Variants in RFX7 observed in about 807,000 individuals in gnomAD.
RFX7 encodes the protein regulatory factor X7.
RFX7 carries 26 observed loss-of-function variants against 111.8 expected under a neutral mutation model. The ratio of observed to expected loss-of-function variants is 0.23; its 90% CI spans 0.17 to 0.32. The LOEUF (loss-of-function observed/expected upper bound fraction) is 0.32, where lower values mean the gene tolerates loss of function less well. RFX7 is among the 10% of genes least tolerant of loss of function. The probability of loss-of-function intolerance (pLI) is 1.00; values close to 1 mark genes in which losing one functional copy is unlikely to be tolerated. For synonymous variants in RFX7, 624 were observed against 624.4 expected, an observed-to-expected ratio of 1.00 and a Z score of 0.01; for missense variants, 1,573 against 1,772.9, an observed-to-expected ratio of 0.89 and a Z score of 2.02.
chr15:56,143,069 G>T (rs1422839754), intron 4 of RFX7, among the ~76,000 whole-genome samples, 169 bp from the exon 5 acceptor site: 1 of 152,086 alleles, frequency 6.6e-6, no homozygotes, highest in African/African-American at 2.4e-5. Context: ...TGAGCTGTTT[G>T]CTATAGCTAG....
intron 5 of RFX7, among the ~76,000 whole-genome samples, chr15:56,109,901 T>C (rs2041889898): frequency 6.6e-6 from 1 of 150,580 alleles, no homozygotes; most frequent in Non-Finnish European, 1.5e-5. Flanking sequence ...AGCCACCCCG[T>C]CCGGGAGGGA....
chr15:56,107,268 GC>G (rs1305482379), intron 5 of RFX7, among the ~76,000 whole-genome samples: 2 of 118,802 alleles, frequency 1.7e-5, no homozygotes, highest in Non-Finnish European at 3.2e-5. Flanking sequence ...CTGCACTCCA[GC>G]CTGGGCAGTA....
chr15:56,101,038 GTACATATAAAA>G (rs2041745059), intron 8 of RFX7, among the ~76,000 whole-genome samples: 1 of 151,756 alleles, frequency 6.6e-6, no homozygotes, highest in Admixed American at 6.6e-5. Context: ...ATACATATAT[GTACATATAAAA>G]GTACATATAA....
At chr15:56,108,413 T>C (rs527527336) in intron 5 of RFX7, among the ~76,000 whole-genome samples, 9 of 152,294 alleles carry the variant, frequency 5.9e-5, no homozygotes, top group African/African-American at 2.2e-4. Context: ...AATCAATAAA[T>C]GTCATCCATC....
rs779100721 is a variant in RFX7 at position 56,142,841 on chromosome 15, C to T, written c.338G>A (p.Arg113Gln). The T allele has an allele frequency of 6.2e-6, 10 of 1,613,332 alleles. No homozygotes were observed. The highest frequency in any genetic ancestry group is 2.7e-5 in the African/African-American group (2 of 74,894). ...AQQMHAFSWIRNTLEEHPETS... is the reference protein window; with the variant it reads ...AQQMHAFSWIQNTLEEHPETS... ...CTCCGGATGTTCCTCTAGGGTATTCCGAATCCAGGAAAAGGCATGCATTTG... is the reference window on the plus strand; with the variant it reads ...CTCCGGATGTTCCTCTAGGGTATTCTGAATCCAGGAAAAGGCATGCATTTG... Residue 113 changes from arginine to glutamine, a missense_variant, in exon 5 of 10, where the codon CGG becomes CAG. Coordinates refer to ENST00000559447, the MANE Select transcript of RFX7 (RefSeq NM_022841.7).
chr15:56,092,158 CAATA>C lies in RFX7; in HGVS notation c.*1183_*1186del, dbSNP rs2140506859. Reference sequence around the variant, plus strand: ...TCTTCTTTTGCAATTGTGGTTATCACAATAAATAAATTAAGCAAGTAATAAAATG... The same window carrying C: ...TCTTCTTTTGCAATTGTGGTTATCACAATAAATTAAGCAAGTAATAAAATG... On this transcript the variant is annotated 3_prime_UTR_variant, in exon 10 of 10. Coordinates refer to ENST00000559447, the MANE Select transcript of RFX7 (RefSeq NM_022841.7). 1 of 152,606 alleles carries C rather than the reference CAATA, an allele frequency of 6.6e-6. No individual in the cohort carries two copies. Among genetic ancestry groups the C allele is most frequent in the South Asian group, 2.1e-4 (1 of 4,822 alleles). 9.5% of individuals were successfully genotyped at this position (152,606 alleles called of 1,614,324 possible).
In RFX7 at chr15:56,174,429, T is replaced by A. The variant is rs970301827; in HGVS notation, c.195+4841A>T. On this transcript the variant is annotated intron_variant, in intron 3 of 9. Transcript: ENST00000559447. ...TAGAGAAACAAACTATTAGTAAGTA[T>A]AGAAAAATTGTTGGATAAAAATCAG... is the stretch of plus-strand genomic sequence containing the variant. Among the ~76,000 whole-genome samples, 10 of 152,124 alleles carry A rather than the reference T, an allele frequency of 6.6e-5. No individual in the cohort carries two copies. The East Asian group carries it at 1.9e-3, about 30-fold the overall frequency.
chr15:56,222,842 CATTT>C (rs1410415806), intron 2 of RFX7, among the ~76,000 whole-genome samples: 1 of 152,084 alleles, frequency 6.6e-6, no homozygotes, highest in Non-Finnish European at 1.5e-5. Flanking sequence ...CCTGCTTCTT[CATTT>C]GTTTAGTAAT....
intron 3 of RFX7, among the ~76,000 whole-genome samples, chr15:56,152,509 A>G (rs1310677018): frequency 6.6e-6 from 1 of 152,206 alleles, no homozygotes; most frequent in Non-Finnish European, 1.5e-5. Context: ...AACCAATGAG[A>G]ATGAGACACA....
At chr15:56,220,969 G>C (rs749872170) in intron 2 of RFX7, among the ~76,000 whole-genome samples, 19 of 152,160 alleles carry the variant, frequency 1.2e-4, no homozygotes, top group Non-Finnish European at 2.8e-4. Flanking sequence ...TGTAGACTTT[G>C]TCAAAGATCA....
intron 5 of RFX7, among the ~76,000 whole-genome samples, chr15:56,141,326 A>G (rs1043568838): frequency 6.6e-6 from 1 of 152,014 alleles, no homozygotes; most frequent in Non-Finnish European, 1.5e-5. Flanking sequence ...TGATCGTGCC[A>G]TTGCACTCCA....
intron 3 of RFX7, among the ~76,000 whole-genome samples, chr15:56,144,836 TATTAG>T: frequency 6.6e-6 from 1 of 152,266 alleles, no homozygotes; most frequent in Non-Finnish European, 1.5e-5. Context: ...GAGAAACAGT[TATTAG>T]TTAACTAACC....
At chr15:56,219,848 G>T (rs2043405231) in intron 2 of RFX7, among the ~76,000 whole-genome samples, 1 of 152,050 alleles carries the variant, frequency 6.6e-6, no homozygotes, top group Admixed American at 6.6e-5. Flanking sequence ...GTGTCTTTAG[G>T]GTAGAATGAT....
chr15:56,201,175 G>C (rs538143164), intron 2 of RFX7, among the ~76,000 whole-genome samples: 1 of 152,202 alleles, frequency 6.6e-6, no homozygotes, highest in Admixed American at 6.5e-5. Context: ...AGGTATACTT[G>C]TAAGACATGA....
intron 5 of RFX7, among the ~76,000 whole-genome samples, chr15:56,123,836 CT>C (rs1381833300): frequency 2.0e-4 from 30 of 152,174 alleles, no homozygotes; most frequent in Non-Finnish European, 2.9e-5. Flanking sequence ...GTTGGCGGCA[CT>C]GAGTTCCAAT....
intron 5 of RFX7, among the ~76,000 whole-genome samples, chr15:56,107,320 A>G (rs1265539259): frequency 1.4e-5 from 2 of 147,948 alleles, no homozygotes; most frequent in Non-Finnish European, 3.0e-5. Flanking sequence ...AAAAAAAAAA[A>G]AAGAAGAAAG....
intron 5 of RFX7, among the ~76,000 whole-genome samples, chr15:56,139,491 ATT>A (rs2042356969): frequency 1.3e-5 from 2 of 151,876 alleles, no homozygotes; most frequent in Admixed American, 1.3e-4. Context: ...ACTTCTCTGT[ATT>A]GGTTATTCTA....
At chr15:56,116,672 A>T (rs183721944) in intron 5 of RFX7, among the ~76,000 whole-genome samples, 2 of 152,340 alleles carry the variant, frequency 1.3e-5, no homozygotes, top group African/African-American at 4.8e-5. Context: ...AAGGCACTCA[A>T]CTTCATTAGT....
chr15:56,175,981 C>G (rs1195128297), intron 3 of RFX7, among the ~76,000 whole-genome samples: 2 of 152,058 alleles, frequency 1.3e-5, no homozygotes, highest in Non-Finnish European at 2.9e-5. Flanking sequence ...CTATGAGAGT[C>G]TATTATTCTT....
Sources: gnomAD v4.1 joint callset for allele counts (sites outside exome capture counted in the v4.1 genomes callset) on GRCh38, gnomAD v4.1.1 for gene constraint, MANE v1.5 for transcripts, NCBI Gene and HGNC (gene_info 2026-07-23, HGNC 2026-07-21) for gene names.